Variants in FIG4 observed in about 807,000 individuals in gnomAD.
FIG4 encodes the protein polyphosphoinositide phosphatase.
FIG4 carries 112 observed loss-of-function variants against 118.6 expected under a neutral mutation model. The ratio of observed to expected loss-of-function variants is 0.94; its 90% confidence interval spans 0.81 to 1.11. The LOEUF (loss-of-function observed/expected upper bound fraction) is 1.11. Among genes scored for constraint, FIG4 ranks in the 50% least tolerant of loss-of-function variants. The pLI is 0.00. For missense variants in FIG4, 969 were observed against 1,111.7 expected (o/e 0.87, Z 1.83); for synonymous variants, 369 against 381.2 (o/e 0.97, Z 0.37).
At chr6:109,784,641 A>C (rs1182421553) in intron 16 of FIG4, among the ~76,000 whole-genome samples, 1 of 152,246 alleles carries the variant, frequency 6.6e-6, no homozygotes, top group Non-Finnish European at 1.5e-5. Flanking sequence ...CCCTGGGAGA[A>C]GTTAACAGCA....
chr6:109,733,908 A>G (rs1378217842), intron 5 of FIG4, among the ~76,000 whole-genome samples: 1 of 152,028 alleles, frequency 6.6e-6, no homozygotes, highest in Non-Finnish European at 1.5e-5. Flanking sequence ...AAATACATGT[A>G]GGTTAAAGTT....
At chr6:109,802,410 G>A (rs1204285156) in intron 22 of FIG4, among the ~76,000 whole-genome samples, 1 of 152,178 alleles carries the variant, frequency 6.6e-6, no homozygotes, top group Non-Finnish European at 1.5e-5. Flanking sequence ...AAAATTAGTT[G>A]TGAAATTAAT....
chr6:109,820,852 G>A (rs1372066722), intron 22 of FIG4, among the ~76,000 whole-genome samples: 1 of 152,142 alleles, frequency 6.6e-6, no homozygotes, highest in Non-Finnish European at 1.5e-5. Context: ...AAGAGGATGT[G>A]GAAGTAAACC....
intron 8 of FIG4, 81 bp from the exon 9 acceptor site, chr6:109,743,029 G>C: frequency 8.3e-7 from 1 of 1,206,596 alleles, no homozygotes; most frequent in Non-Finnish European, 1.2e-6. Context: ...TGAAAGAATA[G>C]GAATTATAAC....
In FIG4 at chr6:109,777,430, A is replaced by G. The variant is rs890683218; in HGVS notation, c.1889+370A>G. Among the ~76,000 whole-genome samples, 3 of 152,190 alleles carry G rather than the reference A, an allele frequency of 2.0e-5. 1 individual carries two copies. The highest frequency in any genetic ancestry group is 4.4e-5 in the Non-Finnish European group (3 of 68,032). On this transcript the variant is annotated intron_variant, in intron 16 of 22. Transcript: ENST00000230124. ...TTTCTCTAAGATATGAAGTTTCAGA[A>G]CTTCCTTGTTAAACAGAAGTTGTAG...
intron 10 of FIG4, among the ~76,000 whole-genome samples, chr6:109,745,506 ATTTG>A (rs1354993032): frequency 2.0e-5 from 3 of 151,970 alleles, no homozygotes; most frequent in Admixed American, 6.6e-5. Flanking sequence ...TTTCTTGTAA[ATTTG>A]TTTAAGTTCC....
At chr6:109,795,098 T>TC (rs1778243552) in intron 21 of FIG4, among the ~76,000 whole-genome samples, 1 of 21,120 alleles carries the variant, frequency 4.7e-5, no homozygotes, top group African/African-American at 3.9e-4. Flanking sequence ...CTTGCCAGTT[T>TC]TTTTTTTTTT....
chr6:109,786,065 T>TGA (rs1448834314), intron 17 of FIG4: 2 of 531,594 alleles, frequency 3.8e-6, no homozygotes, highest in African/African-American at 3.8e-5. Flanking sequence ...TTGGACTTCC[T>TGA]GAGGCCCTCC....
Position 109,743,702 on chromosome 6 carries a change from T to G in FIG4, c.1067T>G (p.Val356Gly), listed in dbSNP as rs747500102. ...TLDQADPFAH[V>G]AALHFDQMFQ... Reference sequence around the variant, plus strand: ...GATCAGGCAGATCCATTTGCACATGTGGCTGCCCTTCACTTTGACCAGATG... The same window carrying G: ...GATCAGGCAGATCCATTTGCACATGGGGCTGCCCTTCACTTTGACCAGATG... Residue 356 changes from valine to glycine, a missense_variant, in exon 10 of 23, where the codon GTG (valine) becomes GGG (glycine). This residue lies in a region of FIG4 where 246 missense variants were observed against 354.3 expected (regional missense o/e 0.69). Coordinates refer to ENST00000230124, the MANE Select transcript of FIG4 (RefSeq NM_014845.6). 1 of 1,612,886 alleles carries G rather than the reference T, an allele frequency of 6.2e-7. No homozygotes were observed. The highest frequency in any genetic ancestry group is 1.1e-5 in the South Asian group (1 of 91,074).
chr6:109,821,022 C>T (rs1778991778), intron 22 of FIG4, among the ~76,000 whole-genome samples: 1 of 152,096 alleles, frequency 6.6e-6, no homozygotes, highest in African/African-American at 2.4e-5. Context: ...AGGGGTTCAC[C>T]CAATTCAATA....
chr6:109,810,966 T>A (rs112493717), intron 22 of FIG4, among the ~76,000 whole-genome samples: 1 of 152,304 alleles, frequency 6.6e-6, no homozygotes, highest in African/African-American at 2.4e-5. Flanking sequence ...TCTCGGAATA[T>A]CCAAGGATAC....
At chr6:109,747,698 T>C (rs1455510324) in intron 10 of FIG4, among the ~76,000 whole-genome samples, 2 of 152,166 alleles carry the variant, frequency 1.3e-5, no homozygotes, top group African/African-American at 4.8e-5. Context: ...AAGGGATAGT[T>C]GTATGACACA....
At chr6:109,749,324 A>G (rs1372181703) in intron 10 of FIG4, among the ~76,000 whole-genome samples, 1 of 152,078 alleles carries the variant, frequency 6.6e-6, no homozygotes, top group Non-Finnish European at 1.5e-5. Context: ...ATCTCTCTCC[A>G]TATCAACTCA....
intron 22 of FIG4, among the ~76,000 whole-genome samples, chr6:109,821,724 A>T (rs754752495): frequency 6.6e-6 from 1 of 152,182 alleles, no homozygotes; most frequent in Non-Finnish European, 1.5e-5. Context: ...AGCAATCGAA[A>T]CAGCATCTCA....
chr6:109,773,873 T>G (rs1433057721), intron 15 of FIG4, among the ~76,000 whole-genome samples: 1 of 152,204 alleles, frequency 6.6e-6, no homozygotes, highest in East Asian at 1.9e-4. Flanking sequence ...GGTCTCCCTA[T>G]GTTGCCCAGG....
intron 7 of FIG4, among the ~76,000 whole-genome samples, chr6:109,740,067 G>A (rs560879696): frequency 1.3e-5 from 2 of 152,290 alleles, no homozygotes; most frequent in Non-Finnish European, 2.9e-5. Flanking sequence ...TGCATAAAGA[G>A]ATTTGATCCT....
At chr6:109,766,683 G>A in intron 14 of FIG4, 46 bp from the exon 15 acceptor site, 2 of 1,546,490 alleles carry the variant, frequency 1.3e-6, no homozygotes, top group Non-Finnish European at 1.8e-6. Context: ...AATAACTTGT[G>A]CTTTGATTTT....
intron 22 of FIG4, among the ~76,000 whole-genome samples, chr6:109,816,616 G>T (rs1778869326): frequency 6.6e-6 from 1 of 152,190 alleles, no homozygotes; most frequent in Admixed American, 6.5e-5. Flanking sequence ...GTGCTGTGTG[G>T]GATACCCAGT....
intron 7 of FIG4, 129 bp from the exon 8 acceptor site, chr6:109,741,315 T>A: frequency 1.3e-6 from 1 of 768,352 alleles, no homozygotes. Flanking sequence ...GTTCCATTCT[T>A]GGGTGGAGCT....
Sources: allele counts gnomAD v4.1 joint callset (sites outside exome capture counted in the v4.1 genomes callset), GRCh38; gene constraint gnomAD v4.1.1; regional missense constraint gnomAD v4.1.1; transcripts MANE v1.5; gene names NCBI Gene and HGNC (gene_info 2026-07-23, HGNC 2026-07-21).